Variants in GLIS3 observed in about 807,000 individuals in gnomAD.
GLIS3 encodes GLIS family zinc finger 3, also known as zinc finger protein GLIS3.
GLIS3 carries 53 observed loss-of-function variants against 78.6 expected under a neutral mutation model. The observed-to-expected ratio is 0.67, with a 90% confidence interval of 0.54 to 0.85. The LOEUF is 0.85. Among genes scored for constraint, GLIS3 ranks in the 40% least tolerant of loss-of-function variants. The probability of loss-of-function intolerance (pLI) is 0.00; values close to 1 mark genes in which losing one functional copy is unlikely to be tolerated. For missense variants in GLIS3, 1,703 were observed against 1,231.1 expected (o/e 1.38, Z -5.74); for synonymous variants, 684 against 509.9 (o/e 1.34, Z -4.60).
chr9:3,989,508 A>T (rs564571970), intron 4 of GLIS3, among the ~76,000 whole-genome samples: 1 of 152,346 alleles, frequency 6.6e-6, no homozygotes, highest in East Asian at 1.9e-4. Flanking sequence ...CACCAGGCAG[A>T]TGTCAACTAC....
intron 4 of GLIS3, among the ~76,000 whole-genome samples, chr9:4,074,893 A>C (rs1418179604): frequency 6.6e-6 from 1 of 152,174 alleles, no homozygotes; most frequent in Non-Finnish European, 1.5e-5. Flanking sequence ...AGGATCATCT[A>C]CCATGATCTT....
rs543052745 is a variant in GLIS3 at position 4,187,460 on chromosome 9, G to C, written c.389-61519C>G. ...CTCCAGCTTTGTTCTTTTGGCTTAG[G>C]ATTGACTTGGCGATGTGGGCTCTTT... is the stretch of plus-strand genomic sequence containing the variant. On this transcript the variant is annotated intron_variant, in intron 2 of 10. Transcript: ENST00000381971. 2.2e-3 allele frequency among the ~76,000 whole-genome samples: 336 copies of C among 152,206 alleles called. 1 individual carries two copies. The highest frequency in any genetic ancestry group is 7.2e-3 in the African/African-American group (301 of 41,518).
At chr9:4,413,334 G>C in the GLIS3 span, among the ~76,000 whole-genome samples, 2 of 152,178 alleles carry the variant, frequency 1.3e-5, no homozygotes, top group African/African-American at 4.8e-5. Flanking sequence ...ATGACTGTAA[G>C]AAGTGTCATC....
At chr9:3,967,906 G>C (rs1283303582) in intron 4 of GLIS3, among the ~76,000 whole-genome samples, 1 of 152,188 alleles carries the variant, frequency 6.6e-6, no homozygotes, top group East Asian at 1.9e-4. Flanking sequence ...AGGAGGTGAG[G>C]AAAATACTTT....
the GLIS3 span, among the ~76,000 whole-genome samples, chr9:4,416,566 T>C: frequency 6.6e-6 from 1 of 152,140 alleles, no homozygotes; most frequent in Non-Finnish European, 1.5e-5. Flanking sequence ...TCATATTTCT[T>C]TCTAAATTTG....
At chr9:4,354,861 A>G in the GLIS3 span, among the ~76,000 whole-genome samples, 7 of 152,156 alleles carry the variant, frequency 4.6e-5, no homozygotes, top group Non-Finnish European at 4.4e-5. Context: ...TCATGCCTGT[A>G]ATCCCAACAC....
chr9:3,910,799 C>G (rs1447587213), intron 6 of GLIS3, among the ~76,000 whole-genome samples: 3 of 152,188 alleles, frequency 2.0e-5, no homozygotes, highest in Non-Finnish European at 4.4e-5. Flanking sequence ...ACTTTGAGAA[C>G]TAAATCAGAT....
intron 6 of GLIS3, among the ~76,000 whole-genome samples, chr9:3,906,478 C>T (rs752258018): frequency 1.3e-4 from 20 of 152,022 alleles, no homozygotes; most frequent in African/African-American, 4.4e-4. Flanking sequence ...AGTTTTGGCC[C>T]GAGGAACAGC....
intron 2 of GLIS3, among the ~76,000 whole-genome samples, chr9:4,345,533 T>TC (rs1817886632): frequency 1.3e-5 from 2 of 152,204 alleles, no homozygotes; most frequent in Admixed American, 6.5e-5. Flanking sequence ...AGAATACTTA[T>TC]CAAACCCCCA....
intron 6 of GLIS3, among the ~76,000 whole-genome samples, chr9:3,920,091 C>A (rs1824779037): frequency 1.3e-5 from 2 of 151,474 alleles, no homozygotes; most frequent in South Asian, 4.2e-4. Context: ...GCAAGCTCCG[C>A]CTCCTGGGTT....
intron 2 of GLIS3, among the ~76,000 whole-genome samples, chr9:4,128,759 T>C (rs1001325322): frequency 6.6e-6 from 1 of 152,242 alleles, no homozygotes; most frequent in African/African-American, 2.4e-5. Flanking sequence ...TCTGTAACTC[T>C]CTACTCTGGA....
chr9:4,335,475 C>A (rs1292375233), intron 2 of GLIS3, among the ~76,000 whole-genome samples: 1 of 152,212 alleles, frequency 6.6e-6, no homozygotes, highest in South Asian at 2.1e-4. Flanking sequence ...CTGCTCTAAT[C>A]ATCTGAATTA....
At chr9:4,116,703 G>A (rs1383549429) in intron 4 of GLIS3, among the ~76,000 whole-genome samples, 3 of 151,960 alleles carry the variant, frequency 2.0e-5, no homozygotes, top group Non-Finnish European at 1.5e-5. Context: ...CTCGGGCTGG[G>A]GAACCACAGT....
intron 2 of GLIS3, among the ~76,000 whole-genome samples, chr9:4,172,040 CT>C (rs1232512853): frequency 6.6e-6 from 1 of 151,844 alleles, no homozygotes; most frequent in Non-Finnish European, 1.5e-5. Context: ...AAATATTTCT[CT>C]TTTTGTAAAG....
At chr9:4,350,316 TG>T (rs1817952821), upstream of GLIS3, among the ~76,000 whole-genome samples, 1 of 152,192 alleles carries the variant, frequency 6.6e-6, no homozygotes, top group Non-Finnish European at 1.5e-5. Flanking sequence ...ATCAAAAGAC[TG>T]AAAATTAACT....
At chr9:4,272,663 A>G (rs1049844293) in intron 2 of GLIS3, among the ~76,000 whole-genome samples, 4 of 152,212 alleles carry the variant, frequency 2.6e-5, no homozygotes, top group Admixed American at 2.6e-4. Context: ...ATAACCAGAA[A>G]CTTGTGTGTT....
chr9:4,180,742 A>G (rs896078125), intron 2 of GLIS3, among the ~76,000 whole-genome samples: 2 of 152,200 alleles, frequency 1.3e-5, no homozygotes, highest in Non-Finnish European at 2.9e-5. Flanking sequence ...TAAGAGTTAT[A>G]AATTGGACAG....
At chr9:4,110,026 C>A (rs1411140632) in intron 4 of GLIS3, among the ~76,000 whole-genome samples, 1 of 152,150 alleles carries the variant, frequency 6.6e-6, no homozygotes, top group Non-Finnish European at 1.5e-5. Context: ...TTACTGTTTA[C>A]ACAACTGTCA....
intron 4 of GLIS3, among the ~76,000 whole-genome samples, chr9:4,001,804 G>A (rs1157814690): frequency 6.6e-6 from 1 of 152,174 alleles, no homozygotes; most frequent in African/African-American, 2.4e-5. Flanking sequence ...ATGATCATCT[G>A]TACAATGTGG....
Sources: allele counts gnomAD v4.1 joint callset (sites outside exome capture counted in the v4.1 genomes callset), GRCh38; gene constraint gnomAD v4.1.1; transcripts MANE v1.5; gene names NCBI Gene and HGNC (gene_info 2026-07-23, HGNC 2026-07-21).